The following SOX6 variants were observed in gnomAD, a reference collection of about 807,000 sequenced individuals.
The protein encoded by SOX6 is transcription factor SOX-6.
In SOX6, 11 loss-of-function variants were observed where a neutral mutation model predicts 97.8. The ratio of observed to expected loss-of-function variants is 0.11; its 90% CI spans 0.07 to 0.19. SOX6 has a LOEUF of 0.19. Among genes scored for constraint, SOX6 ranks in the 10% least tolerant of loss-of-function variants. The pLI, the probability that SOX6 is intolerant of heterozygous loss-of-function variation, is 1.00. For synonymous variants in SOX6, 360 were observed against 371.4 expected, an observed-to-expected ratio of 0.97 and a Z score of 0.35; for missense variants, 810 against 1,039.5, an observed-to-expected ratio of 0.78 and a Z score of 3.04.
chr11:16,163,065 A>C (rs1025143457), intron 6 of SOX6, among the ~76,000 whole-genome samples: 1 of 152,182 alleles, frequency 6.6e-6, no homozygotes, highest in African/African-American at 2.4e-5. Flanking sequence ...TAGTGTAAAA[A>C]GGGGAAAAGA....
chr11:16,347,341 T>A (rs774533970), intron 1 of SOX6, among the ~76,000 whole-genome samples: 3 of 152,128 alleles, frequency 2.0e-5, no homozygotes, highest in Non-Finnish European at 4.4e-5. Context: ...CAATAACTTT[T>A]TGGAATTTTT....
At chr11:16,583,499 C>T (rs962340700) in intron 4 of SOX6, among the ~76,000 whole-genome samples, 1 of 150,272 alleles carries the variant, frequency 6.7e-6, no homozygotes, top group African/African-American at 2.4e-5. Flanking sequence ...ATGAGATCAA[C>T]TTTTTCAGCT....
intron 1 of SOX6, among the ~76,000 whole-genome samples, chr11:16,441,207 G>C (rs1384138286): frequency 1.3e-5 from 2 of 152,070 alleles, no homozygotes; most frequent in African/African-American, 4.8e-5. Flanking sequence ...AAGGGTTCTT[G>C]CTTATGGCCA....
chr11:16,425,923 T>C (rs995663781), intron 1 of SOX6, among the ~76,000 whole-genome samples: 3 of 151,644 alleles, frequency 2.0e-5, no homozygotes, highest in Non-Finnish European at 2.9e-5. Flanking sequence ...CTATTCCTAG[T>C]AAACTACCAT....
At chr11:16,572,895 G>A (rs1482495820) in intron 4 of SOX6, among the ~76,000 whole-genome samples, 1 of 152,150 alleles carries the variant, frequency 6.6e-6, no homozygotes. Flanking sequence ...TAAACAAGCA[G>A]AGATAAAGCA....
intron 4 of SOX6, among the ~76,000 whole-genome samples, chr11:16,539,778 T>C (rs1468975322): frequency 1.3e-5 from 2 of 152,124 alleles, no homozygotes; most frequent in East Asian, 1.9e-4. Context: ...CAGGAAGAAG[T>C]TGAATCTCTG....
At chr11:16,349,906 T>TTTGA (rs1856892360) in intron 1 of SOX6, among the ~76,000 whole-genome samples, 1 of 152,172 alleles carries the variant, frequency 6.6e-6, no homozygotes, top group South Asian at 2.1e-4. Context: ...TTTAACCATT[T>TTTGA]CATTTTTGAA....
At chr11:15,987,072 C>T (rs541136859) in intron 14 of SOX6, among the ~76,000 whole-genome samples, 4 of 152,060 alleles carry the variant, frequency 2.6e-5, no homozygotes, top group Non-Finnish European at 5.9e-5. Context: ...AATTTTAATA[C>T]GGTTTATACA....
intron 1 of SOX6, among the ~76,000 whole-genome samples, chr11:16,387,814 T>C (rs1858036694): frequency 6.6e-6 from 1 of 152,144 alleles, no homozygotes; most frequent in African/African-American, 2.4e-5. Context: ...TTGTTTACTA[T>C]GCAATTTTGA....
At chr11:16,276,267 T>A (rs1854396415) in intron 3 of SOX6, among the ~76,000 whole-genome samples, 1 of 152,212 alleles carries the variant, frequency 6.6e-6, no homozygotes, top group Admixed American at 6.5e-5. Flanking sequence ...AGTTAGAGAT[T>A]CTGCCAGAAA....
chr11:16,184,935 G>A (rs1448979768), intron 5 of SOX6, among the ~76,000 whole-genome samples: 1 of 152,130 alleles, frequency 6.6e-6, no homozygotes, highest in South Asian at 2.1e-4. Flanking sequence ...TTTGTCAAGA[G>A]TGTCTTTTCT....
chr11:16,675,073 T>TC (rs1847875175), intron 3 of SOX6, among the ~76,000 whole-genome samples: 1 of 152,160 alleles, frequency 6.6e-6, no homozygotes. Context: ...CATCAGCAAA[T>TC]TCAATAAAGT....
intron 4 of SOX6, among the ~76,000 whole-genome samples, chr11:16,539,678 G>A (rs1861371339): frequency 6.6e-6 from 1 of 152,176 alleles, no homozygotes; most frequent in Non-Finnish European, 1.5e-5. Context: ...TACCATCAGA[G>A]AATACTATAA....
Position 16,057,712 on chromosome 11 carries a change from G to A in SOX6, c.1102-1811C>T, listed in dbSNP as rs11023838. Among the ~76,000 whole-genome samples the A allele has an allele frequency of 3.3e-5, 5 of 152,242 alleles. No individual in the cohort carries two copies. The South Asian group carries it at 8.3e-4, about 25-fold the overall frequency. On this transcript the variant is annotated intron_variant, in intron 9 of 15. Coordinates refer to ENST00000683767, the MANE Select transcript of SOX6 (RefSeq NM_001367873.1). ...AGCTTCCTGAGAAAGGTGAATGTGA[G>A]ATTAATTATTTAGGAACTAATATTC...
At chr11:16,598,989 G>A (rs1007847168) in intron 4 of SOX6, among the ~76,000 whole-genome samples, 2 of 152,024 alleles carry the variant, frequency 1.3e-5, no homozygotes, top group Non-Finnish European at 2.9e-5. Flanking sequence ...TAGAATGTTT[G>A]TATACACTGT....
chr11:16,405,849 C>A (rs373880223), intron 1 of SOX6, among the ~76,000 whole-genome samples: 3 of 151,992 alleles, frequency 2.0e-5, no homozygotes, highest in Non-Finnish European at 4.4e-5. Flanking sequence ...CCAGCTCAAA[C>A]GTAAATCGAG....
intron 4 of SOX6, among the ~76,000 whole-genome samples, chr11:16,498,055 C>A (rs4639898): frequency 5.3e-5 from 8 of 152,076 alleles, no homozygotes; most frequent in African/African-American, 1.9e-4. Flanking sequence ...AAATATTAAG[C>A]GAAGCCAGAG....
intron 1 of SOX6, among the ~76,000 whole-genome samples, chr11:16,369,330 C>T (rs1857443409): frequency 6.6e-6 from 1 of 151,992 alleles, no homozygotes; most frequent in Non-Finnish European, 1.5e-5. Context: ...TGTTTCTTTC[C>T]ACCAGTCTCC....
intron 12 of SOX6, among the ~76,000 whole-genome samples, chr11:16,030,822 T>C (rs1855353024): frequency 6.6e-6 from 1 of 152,160 alleles, no homozygotes; most frequent in Non-Finnish European, 1.5e-5. Context: ...AAAAGTGTTT[T>C]ATTTATGGAA....
Sources: gnomAD v4.1 joint callset for allele counts (sites outside exome capture counted in the v4.1 genomes callset) on GRCh38, gnomAD v4.1.1 for gene constraint, MANE v1.5 for transcripts, NCBI Gene and HGNC (gene_info 2026-07-23, HGNC 2026-07-21) for gene names.